PYGB: variants seen among roughly 807,000 people sequenced by gnomAD.
The protein encoded by PYGB is glycogen phosphorylase, brain form.
Under a neutral mutation model 94.3 loss-of-function variants are expected in PYGB, and 82 were observed. That is an observed-to-expected ratio of 0.87 (90% confidence interval 0.73 to 1.04). The LOEUF (loss-of-function observed/expected upper bound fraction) is 1.04. Among genes scored for constraint, PYGB ranks in the 50% least tolerant of loss-of-function variants. The pLI is 0.00. For synonymous variants in PYGB, 488 were observed against 479.1 expected, an observed-to-expected ratio of 1.02 and a Z score of -0.24; for missense variants, 1,132 against 1,158.2, an observed-to-expected ratio of 0.98 and a Z score of 0.33.
At chr20:25,290,389 C>A in intron 15 of PYGB, 92 bp from the exon 16 acceptor site, 2 of 1,500,854 alleles carry the variant, frequency 1.3e-6, no homozygotes, top group Non-Finnish European at 1.8e-6. Flanking sequence ...TGGCTCTAGC[C>A]TCACCCCCCT....
At chr20:25,290,285 G>A (rs867409771) in intron 15 of PYGB, among the ~76,000 whole-genome samples, 196 bp from the exon 16 acceptor site, 1 of 152,228 alleles carries the variant, frequency 6.6e-6, no homozygotes, top group Non-Finnish European at 1.5e-5. Context: ...ATGTGGCGAG[G>A]TGGCCACCAT....
intron 1 of PYGB, among the ~76,000 whole-genome samples, chr20:25,250,188 G>A (rs925321471): frequency 1.3e-5 from 2 of 152,180 alleles, no homozygotes; most frequent in Non-Finnish European, 2.9e-5. Flanking sequence ...GGATGGCAAG[G>A]ACATAGCTCT....
At chr20:25,259,473 T>A (rs1568684036) in intron 2 of PYGB, 135 bp downstream of exon 2, 1 of 658,234 alleles carries the variant, frequency 1.5e-6, no homozygotes, top group Non-Finnish European at 2.5e-6. Flanking sequence ...CGGCCTGTTC[T>A]CCCCTCCTGG....
chr20:25,279,050 C>G lies in PYGB; in HGVS notation c.1000-7C>G, dbSNP rs1173620715. On this transcript the variant is annotated splice_region_variant and splice_polypyrimidine_tract_variant and intron_variant, in intron 8 of 19. Coordinates refer to ENST00000216962, the MANE Select transcript of PYGB (RefSeq NM_002862.4). ...TGACTGAATGGCACCCCTTGTGCGACCTTCAGGTGGCCATCCAGCTGAACG... is the reference window on the plus strand; with the variant it reads ...TGACTGAATGGCACCCCTTGTGCGAGCTTCAGGTGGCCATCCAGCTGAACG... 6.2e-7 allele frequency: 1 copy of G among 1,610,326 alleles called. No individual in the cohort carries two copies. The highest frequency in any genetic ancestry group is 2.2e-5 in the East Asian group (1 of 44,770).
At chr20:25,283,141 AG>A (rs772726778) in intron 12 of PYGB, 34 bp from the exon 13 acceptor site, 5 of 1,543,030 alleles carry the variant, frequency 3.2e-6, no homozygotes, top group Non-Finnish European at 4.5e-6. Context: ...CAGGAGGCTG[AG>A]GCCCACAGTG....
intron 16 of PYGB, among the ~76,000 whole-genome samples, chr20:25,290,850 C>T (rs527348536): frequency 1.3e-5 from 2 of 152,276 alleles, no homozygotes; most frequent in East Asian, 1.9e-4. Flanking sequence ...GCAGTGTCAT[C>T]CCCCAACAGG....
chr20:25,271,301 C>A, intron 3 of PYGB, 82 bp from the exon 4 acceptor site: 1 of 1,314,326 alleles, frequency 7.6e-7, no homozygotes, highest in Non-Finnish European at 1.1e-6. Context: ...TGAATTTCTG[C>A]CTTGCGCCCT....
Position 25,277,276 on chromosome 20 carries a change from G to C in PYGB, c.805G>C (p.Asp269His), listed in dbSNP as rs1283868715. Residue 269 changes from aspartate to histidine, a missense_variant, in exon 7 of 20, where the codon GAC becomes CAC. By Grantham distance (81) the Asp-to-His change is moderately conservative (BLOSUM62 -1). Coordinates refer to ENST00000216962, the MANE Select transcript of PYGB (RefSeq NM_002862.4). ...NVGDYIEAVL[D>H]RNLAENISRV... ...GGGAGACTACATCGAGGCGGTCCTG[G>C]ACCGGAACTTGGCTGAGAACATCTC... 1 of 1,585,762 alleles carries C rather than the reference G, an allele frequency of 6.3e-7. No individual in the cohort carries two copies. Among genetic ancestry groups the C allele is most frequent in the South Asian group, 1.1e-5 (1 of 90,434 alleles).
intron 18 of PYGB, among the ~76,000 whole-genome samples, chr20:25,294,506 G>A (rs1392749885): frequency 6.6e-6 from 1 of 152,246 alleles, no homozygotes; most frequent in African/African-American, 2.4e-5. Context: ...CCTGGGCAGC[G>A]AGACACAGCA....
intron 18 of PYGB, chr20:25,295,063 A>G (rs2088519276): frequency 5.6e-6 from 9 of 1,607,554 alleles, no homozygotes; most frequent in Non-Finnish European, 7.7e-6. Context: ...AAAATTGTGA[A>G]CTCTGCATTT....
Position 25,248,429 on chromosome 20 carries a change from G to C in PYGB, c.243+8G>C. 1.3e-6 allele frequency: 2 copies of C among 1,489,910 alleles called. No individual in the cohort carries two copies. Among genetic ancestry groups the C allele is most frequent in the Non-Finnish European group, 1.8e-6 (2 of 1,114,656 alleles). The allele number at this position is 1,489,910 out of a possible 1,614,324, so 92.3% of individuals were successfully genotyped here. A position where few individuals can be genotyped will look rare whatever the true frequency, so the allele number is the denominator to read the frequency against. ...TACGAGCGCGACCCCAAGGTGAGGCGCTGCCCCGCCCTGTGCGCCCGTGCC... is the reference window on the plus strand; with the variant it reads ...TACGAGCGCGACCCCAAGGTGAGGCCCTGCCCCGCCCTGTGCGCCCGTGCC... On this transcript the variant is annotated splice_region_variant and intron_variant, in intron 1 of 19. Transcript: ENST00000216962.
Position 25,290,518 on chromosome 20 carries a change from A to G in PYGB, c.1865A>G (p.Lys622Arg), listed in dbSNP as rs1391433507. Reference protein sequence around the residue: ...PGYHMAKLIIKLVTSIGDVVN... With the variant: ...PGYHMAKLIIRLVTSIGDVVN... ...TACCACATGGCCAAGCTGATCATCAAGTTGGTCACCTCCATCGGCGACGTC... is the reference window on the plus strand; with the variant it reads ...TACCACATGGCCAAGCTGATCATCAGGTTGGTCACCTCCATCGGCGACGTC... Residue 622 changes from lysine (K) to arginine (R), a missense_variant, in exon 16 of 20, where the codon AAG (lysine) becomes AGG (arginine). Lys to Arg is a conservative substitution (Grantham distance 26). Transcript: ENST00000216962. 2 of 1,611,260 alleles carry G rather than the reference A, an allele frequency of 1.2e-6. No homozygotes were observed. The highest frequency in any genetic ancestry group is 1.3e-5 in the African/African-American group (1 of 74,906).
At chr20:25,269,233 T>G (rs775640547) in intron 3 of PYGB, 26 bp downstream of exon 3, 2 of 1,527,424 alleles carry the variant, frequency 1.3e-6, no homozygotes, top group East Asian at 2.3e-5. Context: ...CAGGAGGAGC[T>G]CTCTCGGACC....
At position 25,248,117 on chromosome 20, in the gene PYGB, C is replaced by T. The variant is rs199869625; in HGVS notation, c.-62C>T. The T allele has an allele frequency of 9.9e-6, 15 of 1,508,372 alleles. No individual in the cohort carries two copies. Among genetic ancestry groups the T allele is most frequent in the Admixed American group, 1.9e-5 (1 of 51,580 alleles). The allele number at this position is 1,508,372 out of a possible 1,614,324, so 93.4% of individuals were successfully genotyped here. A position where few individuals can be genotyped will look rare whatever the true frequency, so the allele number is the denominator to read the frequency against. The stretch of plus-strand genomic sequence containing the variant: ...CGGCGCCAGAGCAGCTGCACCATCC[C>T]GGCGTTCGCGTGTGCCGCCGCTTTC... On this transcript the variant is annotated 5_prime_UTR_variant, in exon 1 of 20. Coordinates refer to ENST00000216962, the MANE Select transcript of PYGB (RefSeq NM_002862.4).
chr20:25,284,161 C>G lies in PYGB; in HGVS notation c.1678C>G (p.Pro560Ala), dbSNP rs140274311. The G allele has an allele frequency of 4.3e-6, 7 of 1,614,086 alleles. No homozygotes were observed. Among genetic ancestry groups the G allele is most frequent in the Non-Finnish European group, 5.9e-6 (7 of 1,179,968 alleles). ...GAAGGAGTACAAGGTGAAGATCAACCCCTCCTCCATGTTCGATGTGCATGT... is the reference window on the plus strand; with the variant it reads ...GAAGGAGTACAAGGTGAAGATCAACGCCTCCTCCATGTTCGATGTGCATGT... ...LEKEYKVKIN[P>A]SSMFDVHVKR... Residue 560 changes from proline to alanine, a missense_variant, in exon 14 of 20, where the codon CCC (proline) becomes GCC (alanine). Coordinates refer to ENST00000216962, the MANE Select transcript of PYGB (RefSeq NM_002862.4).
intron 2 of PYGB, among the ~76,000 whole-genome samples, chr20:25,259,607 C>G (rs2092909304): frequency 6.6e-6 from 1 of 152,158 alleles, no homozygotes; most frequent in Admixed American, 6.5e-5. Flanking sequence ...ATCCCACACC[C>G]CACCCCACCT....
At position 25,296,436 on chromosome 20, in the gene PYGB, C is replaced by G. The variant is rs142992981; in HGVS notation, c.2446C>G (p.Arg816Gly). The change falls in exon 20 of 20, where the codon CGG (arginine) becomes GGG (glycine). Residue 816 changes from arginine to glycine, a missense_variant. By Grantham distance (125) the Arg-to-Gly change is moderately radical (BLOSUM62 -2). Transcript: ENST00000216962. The part of the protein sequence containing the change: ...IACSGKFSSD[R>G]TITEYAREIW... ...CTGCTCGGGCAAGTTCTCCAGTGAC[C>G]GGACCATCACGGAGTATGCACGGGA... 6.2e-7 allele frequency: 1 copy of G among 1,613,968 alleles called. No individual in the cohort carries two copies. Among genetic ancestry groups the G allele is most frequent in the Non-Finnish European group, 8.5e-7 (1 of 1,180,010 alleles).
At chr20:25,255,632 A>G (rs567969650) in intron 1 of PYGB, among the ~76,000 whole-genome samples, 83 of 152,036 alleles carry the variant, frequency 5.5e-4, no homozygotes, top group African/African-American at 1.8e-3. Flanking sequence ...GAATACACAA[A>G]AGGAGAGTTG....
chr20:25,271,099 T>TGG (rs11087510), intron 3 of PYGB, among the ~76,000 whole-genome samples: 5 of 152,066 alleles, frequency 3.3e-5, no homozygotes, highest in African/African-American at 1.2e-4. Context: ...AGTGGGGCAG[T>TGG]GGGGGGCTTC....
Sources: gnomAD v4.1 joint callset for allele counts (sites outside exome capture counted in the v4.1 genomes callset) on GRCh38, gnomAD v4.1.1 for gene constraint, MANE v1.5 for transcripts, NCBI Gene and HGNC (gene_info 2026-07-23, HGNC 2026-07-21) for gene names.